The following SLC39A11 variants were observed in gnomAD, a reference collection of about 807,000 sequenced individuals.
SLC39A11 encodes solute carrier family 39 member 11.
SLC39A11 carries 33 observed loss-of-function variants against 36.1 expected under a neutral mutation model. The observed-to-expected ratio is 0.91, with a 90% CI of 0.69 to 1.22. The LOEUF (loss-of-function observed/expected upper bound fraction) is 1.22. SLC39A11 is among the 50% of genes most tolerant of loss of function. SLC39A11 has a pLI of 0.00. For synonymous variants in SLC39A11, 166 were observed against 170.3 expected (o/e 0.97, Z 0.20); for missense variants, 432 against 430.3 (o/e 1.00, Z -0.03).
intron 7 of SLC39A11, among the ~76,000 whole-genome samples, chr17:72,697,246 C>T (rs1009053245): frequency 3.9e-5 from 6 of 152,150 alleles, no homozygotes; most frequent in African/African-American, 1.4e-4. Flanking sequence ...CCACTTCTGG[C>T]TAATTTTTGT....
In SLC39A11 at chr17:72,789,748, T is replaced by C. The variant is rs371681080; in HGVS notation, c.602-53029A>G. ...CTTTATTATATAGAACCTCGTTCCC[T>C]GGGGCGGATGAAATCCAGGCATCAA... On this transcript the variant is annotated intron_variant, in intron 6 of 9. Transcript: ENST00000255559. 4.6e-5 allele frequency among the ~76,000 whole-genome samples: 7 copies of C among 152,360 alleles called. No individual in the cohort carries two copies. The East Asian group carries it at 1.2e-3, about 25-fold the overall frequency.
intron 5 of SLC39A11, among the ~76,000 whole-genome samples, chr17:72,887,060 T>A (rs189136273): frequency 9.2e-5 from 14 of 152,316 alleles, no homozygotes; most frequent in Admixed American, 8.5e-4. Flanking sequence ...CAGATAACAT[T>A]ACCTTATGTA....
chr17:72,783,646 G>A (rs185884745), intron 6 of SLC39A11, among the ~76,000 whole-genome samples: 3 of 152,332 alleles, frequency 2.0e-5, no homozygotes, highest in East Asian at 1.9e-4. Context: ...GTGTGAAGCC[G>A]TGGGGGCAGG....
At chr17:73,056,090 C>T (rs1168747222) in intron 3 of SLC39A11, among the ~76,000 whole-genome samples, 4 of 152,152 alleles carry the variant, frequency 2.6e-5, no homozygotes, top group African/African-American at 7.2e-5. Flanking sequence ...GGAGAGGCAC[C>T]GCTGGCCCCG....
chr17:72,867,671 G>C (rs2080370959), intron 5 of SLC39A11, among the ~76,000 whole-genome samples: 1 of 151,948 alleles, frequency 6.6e-6, no homozygotes, highest in Admixed American at 6.6e-5. Flanking sequence ...ATACGAGGAA[G>C]GAGTATAAAT....
chr17:72,746,113 G>A (rs949463751), intron 6 of SLC39A11, among the ~76,000 whole-genome samples: 2 of 152,194 alleles, frequency 1.3e-5, no homozygotes, highest in Non-Finnish European at 2.9e-5. Flanking sequence ...CATGAGGAGT[G>A]TTCTCTGAAG....
chr17:72,733,557 G>A (rs1229127160), intron 7 of SLC39A11, among the ~76,000 whole-genome samples: 1 of 152,086 alleles, frequency 6.6e-6, no homozygotes, highest in Non-Finnish European at 1.5e-5. Context: ...GGGCAGGCAG[G>A]GGCTGGTGCA....
intron 6 of SLC39A11, among the ~76,000 whole-genome samples, chr17:72,783,209 A>C (rs376059030): frequency 2.7e-5 from 4 of 149,626 alleles, no homozygotes; most frequent in African/African-American, 1.0e-4. Flanking sequence ...ACTGAATCTG[A>C]ATCTGCTGGC....
Position 73,004,986 on chromosome 17 carries a change from TTTTG to T in SLC39A11, c.306+26566_306+26569del, listed in dbSNP as rs555751281. ...CCCCAACACATATACACATGTCATG[TTTTG>T]TTTGTTTGTTTGTTTGTTTGTTTTA... On this transcript the variant is annotated intron_variant, in intron 4 of 9. Transcript: ENST00000255559. 2.0e-3 allele frequency among the ~76,000 whole-genome samples: 300 copies of T among 152,068 alleles called. 2 individuals carry two copies. The highest frequency in any genetic ancestry group is 0.013 in the South Asian group (64 of 4,816).
At chr17:72,884,962 T>C (rs2081376007) in intron 5 of SLC39A11, among the ~76,000 whole-genome samples, 1 of 152,212 alleles carries the variant, frequency 6.6e-6, no homozygotes, top group Admixed American at 6.5e-5. Context: ...GTAGGATACT[T>C]AACTTTCTTC....
At chr17:72,875,766 T>G (rs562805343) in intron 5 of SLC39A11, among the ~76,000 whole-genome samples, 2 of 152,294 alleles carry the variant, frequency 1.3e-5, no homozygotes, top group South Asian at 2.1e-4. Flanking sequence ...CAGACCCTCC[T>G]TCTGAGGAAG....
At chr17:72,989,129 C>T (rs1190422019) in intron 4 of SLC39A11, among the ~76,000 whole-genome samples, 4 of 152,132 alleles carry the variant, frequency 2.6e-5, no homozygotes, top group African/African-American at 7.2e-5. Flanking sequence ...GAACTGTGCA[C>T]GTAAAAATGG....
At chr17:72,652,072 T>C (rs1198426971) in intron 7 of SLC39A11, among the ~76,000 whole-genome samples, 1 of 152,244 alleles carries the variant, frequency 6.6e-6, no homozygotes, top group African/African-American at 2.4e-5. Flanking sequence ...TGAGTCTCTG[T>C]TGCAACCACT....
At chr17:73,059,258 G>A (rs1227838883) in intron 3 of SLC39A11, among the ~76,000 whole-genome samples, 1 of 152,184 alleles carries the variant, frequency 6.6e-6, no homozygotes, top group Non-Finnish European at 1.5e-5. Flanking sequence ...AATTACAAAT[G>A]TATATTCATG....
In SLC39A11 at chr17:72,887,647, A is replaced by G. The variant is rs186213497; in HGVS notation, c.431-37843T>C. 1.9e-4 allele frequency among the ~76,000 whole-genome samples: 29 copies of G among 152,292 alleles called. No individual in the cohort carries two copies. In the East Asian group the frequency reaches 4.2e-3, roughly 22 times the overall value. The stretch of plus-strand genomic sequence containing the variant: ...ATTCTGAAACCATGTCCTTTTTCCT[A>G]TTACTGATATAAAAGATTGCTTATT... On this transcript the variant is annotated intron_variant, in intron 5 of 9. Coordinates refer to ENST00000255559, the MANE Select transcript of SLC39A11 (RefSeq NM_139177.4).
chr17:73,022,022 T>C (rs1344364647), intron 4 of SLC39A11, among the ~76,000 whole-genome samples: 1 of 152,248 alleles, frequency 6.6e-6, no homozygotes, highest in Non-Finnish European at 1.5e-5. Context: ...GGTGGGTTTC[T>C]GAACCCTGGT....
chr17:72,984,623 C>A (rs1279433684), intron 4 of SLC39A11, among the ~76,000 whole-genome samples: 1 of 152,096 alleles, frequency 6.6e-6, no homozygotes. Context: ...TCTGGTGGGC[C>A]CAGCAACCCG....
At chr17:73,004,636 G>A (rs182195718) in intron 4 of SLC39A11, among the ~76,000 whole-genome samples, 1 of 152,362 alleles carries the variant, frequency 6.6e-6, no homozygotes, top group East Asian at 1.9e-4. Context: ...CTTGCTCAGT[G>A]GGTAAAATAA....
chr17:72,697,868 C>T (rs573361767), intron 7 of SLC39A11, among the ~76,000 whole-genome samples: 27 of 152,150 alleles, frequency 1.8e-4, no homozygotes, highest in Non-Finnish European at 3.4e-4. Context: ...CTGCCAATGC[C>T]CCCTGGCTGT....
Sources: allele counts gnomAD v4.1 joint callset (sites outside exome capture counted in the v4.1 genomes callset), GRCh38; gene constraint gnomAD v4.1.1; transcripts MANE v1.5; gene names NCBI Gene and HGNC (gene_info 2026-07-23, HGNC 2026-07-21).